Variants in DRP2 observed in about 807,000 individuals in gnomAD.
DRP2 encodes the protein dystrophin-related protein 2.
DRP2 carries 29 observed loss-of-function variants against 78.2 expected under a neutral mutation model. The ratio of observed to expected loss-of-function variants is 0.37; its 90% CI spans 0.28 to 0.51. The LOEUF is 0.51. DRP2 is among the 20% of genes least tolerant of loss of function. The pLI, the probability that DRP2 is intolerant of heterozygous loss-of-function variation, is 0.94. For synonymous variants in DRP2, 290 were observed against 281.9 expected (o/e 1.03, Z -0.29); for missense variants, 686 against 770.6 (o/e 0.89, Z 1.30).
chrX:101,235,161 T>G, intron 3 of DRP2, among the ~76,000 whole-genome samples: 1 of 111,731 alleles, frequency 9.0e-6, no homozygotes, highest in Non-Finnish European at 1.9e-5. Flanking sequence ...AGCAATAGAC[T>G]GTGTGCCTGA....
At position 101,245,070 on chromosome X, in the gene DRP2, T is replaced by G; in HGVS notation, c.1108T>G (p.Tyr370Asp). The stretch of plus-strand genomic sequence containing the variant: ...AATTTCACCCAATAAAGTTCCCTAC[T>G]ACATCAAGTGAGTGACCATCTGAAT... ...RAISPNKVPY[Y>D]INHQAQTTCW... Residue 370 changes from tyrosine (Y) to aspartate (D), a missense_variant, in exon 10 of 24, where the codon TAC becomes GAC. Coordinates refer to ENST00000395209, the MANE Select transcript of DRP2 (RefSeq NM_001939.3). 2 of 1,209,560 alleles carry G rather than the reference T, an allele frequency of 1.7e-6. No homozygotes were observed. The highest frequency in any genetic ancestry group is 2.2e-6 in the Non-Finnish European group (2 of 894,108).
chrX:101,224,331 C>A (rs1298920568), intron 1 of DRP2, among the ~76,000 whole-genome samples: 9 of 96,002 alleles, frequency 9.4e-5, no homozygotes, highest in Non-Finnish European at 1.2e-4. Context: ...TTGCAGTGAG[C>A]CGAGATCATG....
intron 5 of DRP2, among the ~76,000 whole-genome samples, 180 bp from the exon 6 acceptor site, chrX:101,238,801 A>G (rs1398133047): frequency 9.0e-6 from 1 of 111,363 alleles, no homozygotes; most frequent in Non-Finnish European, 1.9e-5. Context: ...CCAGTGTCAG[A>G]GTTATTTTTC....
intron 14 of DRP2, 124 bp downstream of exon 14, chrX:101,248,723 C>G: frequency 3.4e-6 from 2 of 582,303 alleles, no homozygotes; most frequent in Admixed American, 5.5e-5. Context: ...CTTGGGCTAC[C>G]TTATGATGCT....
At chrX:101,252,740 G>A in intron 17 of DRP2, 24 bp downstream of exon 17, 4 of 1,157,654 alleles carry the variant, frequency 3.5e-6, no homozygotes, top group Non-Finnish European at 4.7e-6. Context: ...AGGCTGGGTG[G>A]GAGGGTTAGG....
At chrX:101,225,292 A>G (rs1039771941) in intron 2 of DRP2, among the ~76,000 whole-genome samples, 5 of 111,344 alleles carry the variant, frequency 4.5e-5, no homozygotes, top group Non-Finnish European at 1.9e-5. Context: ...TCTCCATTGT[A>G]TCCATTGTAT....
At position 101,256,191 on chromosome X, in the gene DRP2, CCATGCAGTGTGG is replaced by C. The variant is rs759678378; in HGVS notation, c.2322_2333del (p.Cys775_Ala778del). ...GGAGCCAGCCTTTGGACAGCAGGCT[CCATGCAGTGTGG>C]CCACAGAAAGCAAAGGGGAGCTACA... On this transcript the variant is annotated inframe_deletion, in exon 21 of 24. Transcript: ENST00000395209. 29 of 1,206,523 alleles carry C rather than the reference CCATGCAGTGTGG, an allele frequency of 2.4e-5. No individual in the cohort carries two copies. In the African/African-American group the frequency reaches 3.5e-4, roughly 15 times the overall value.
intron 2 of DRP2, among the ~76,000 whole-genome samples, chrX:101,231,048 T>C (rs1337478452): frequency 8.9e-6 from 1 of 112,482 alleles, no homozygotes; most frequent in African/African-American, 3.2e-5. Context: ...GATCCCATTG[T>C]CCTCTGAACA....
At position 101,242,469 on chromosome X, in the gene DRP2, C is replaced by T. The variant is rs1556419606; in HGVS notation, c.973C>T (p.Gln325Ter). 1 of 1,207,525 alleles carries T rather than the reference C, an allele frequency of 8.3e-7. No individual in the cohort carries two copies. The highest frequency in any genetic ancestry group is 1.1e-6 in the Non-Finnish European group (1 of 894,022). ...EQINVRWKQL[Q>*]ASVSERLKQL... is the part of the protein sequence containing the mutation. ...GATCAACGTCCGATGGAAACAACTA[C>T]AGGTAGAAGAGCAGCCTGGAGTGAA... The change falls in exon 8 of 24, where the codon CAG (glutamine) becomes TAG (stop). Residue 325 changes from glutamine (Q) to a stop codon, truncating the protein, a stop_gained and splice_region_variant. Coordinates refer to ENST00000395209, the MANE Select transcript of DRP2 (RefSeq NM_001939.3). LOFTEE classifies it high-confidence loss of function.
In DRP2 at chrX:101,255,440, C is replaced by T. The variant is rs188156744; in HGVS notation, c.2246+191C>T. 4.5e-5 allele frequency among the ~76,000 whole-genome samples: 5 copies of T among 111,259 alleles called. No individual in the cohort carries two copies. In the East Asian group the frequency reaches 1.4e-3, roughly 32 times the overall value. On this transcript the variant is annotated intron_variant, in intron 20 of 23. Coordinates refer to ENST00000395209, the MANE Select transcript of DRP2 (RefSeq NM_001939.3). ...AGGCAGTCTTCCCTCTATCAATCAACCTAGGAAATGAGTGATGTACTAGCT... is the reference window on the plus strand; with the variant it reads ...AGGCAGTCTTCCCTCTATCAATCAATCTAGGAAATGAGTGATGTACTAGCT...
intron 23 of DRP2, 25 bp from the exon 24 acceptor site, chrX:101,260,472 C>T: frequency 8.3e-7 from 1 of 1,203,091 alleles, no homozygotes; most frequent in Non-Finnish European, 1.1e-6. Context: ...TAGTTCTCTT[C>T]TCAAATCTCT....
In DRP2 at chrX:101,242,454, C is replaced by A. The variant is rs1234956618; in HGVS notation, c.958C>A (p.Arg320=). 1 of 1,207,532 alleles carries A rather than the reference C, an allele frequency of 8.3e-7. No homozygotes were observed. Among genetic ancestry groups the A allele is most frequent in the Admixed American group, 2.2e-5 (1 of 45,388 alleles). Residue 320 remains arginine, a synonymous_variant, in exon 8 of 24, where the codon CGA becomes AGA. Transcript: ENST00000395209. Reference sequence around the variant, plus strand: ...CCAGGCCCTGGAACAGATCAACGTCCGATGGAAACAACTACAGGTAGAAGA... The same window carrying A: ...CCAGGCCCTGGAACAGATCAACGTCAGATGGAAACAACTACAGGTAGAAGA... ...NSQALEQINV[R]WKQLQASVSE...
rs568844282 is a variant in DRP2 at position 101,237,201 on chromosome X, G to C, written c.282-418G>C. Among the ~76,000 whole-genome samples, 105 of 112,212 alleles carry C rather than the reference G, an allele frequency of 9.4e-4. No individual in the cohort carries two copies. The South Asian group carries it at 0.038, about 41-fold the overall frequency. On this transcript the variant is annotated intron_variant, in intron 4 of 23. Transcript: ENST00000395209. Reference sequence around the variant, plus strand: ...CCTGCTCAGAGGGCAGTTCGGAACAGCCTCTATGGTTGAGCAGTTTGGCAT... The same window carrying C: ...CCTGCTCAGAGGGCAGTTCGGAACACCCTCTATGGTTGAGCAGTTTGGCAT...
In DRP2 at chrX:101,231,676, C is replaced by T. The variant is rs909100703; in HGVS notation, c.29C>T (p.Pro10Leu). MQPMVMQGC[P>L]YTLPRCHDWQ... ...CAACCTATGGTCATGCAGGGATGCC[C>T]TTACACCCTCCCACGATGTCATGAC... is the stretch of plus-strand genomic sequence containing the variant. Residue 10 changes from proline (P) to leucine (L), a missense_variant, in exon 3 of 24, where the codon CCT (proline) becomes CTT (leucine). Pro to Leu is a moderately conservative substitution (Grantham distance 98). Around this residue, in one of 2 missense-constraint regions of DRP2, gnomAD observed 263 missense variants for 239.1 expected, o/e 1.10. Transcript: ENST00000395209. 6 of 1,211,314 alleles carry T rather than the reference C, an allele frequency of 5.0e-6. No homozygotes were observed. Among genetic ancestry groups the T allele is most frequent in the Non-Finnish European group, 3.4e-6 (3 of 895,165 alleles).
intron 3 of DRP2, among the ~76,000 whole-genome samples, chrX:101,233,250 G>A (rs1447423098): frequency 8.9e-6 from 1 of 112,060 alleles, no homozygotes; most frequent in South Asian, 3.7e-4. Flanking sequence ...CCAGCTCATC[G>A]TGGGTGCTCC....
At chrX:101,226,713 C>T (rs1159602887) in intron 2 of DRP2, among the ~76,000 whole-genome samples, 1 of 111,459 alleles carries the variant, frequency 9.0e-6, no homozygotes, top group East Asian at 2.8e-4. Flanking sequence ...TCCACACCTG[C>T]ATATGTCAAA....
chrX:101,240,800 A>G (rs1602921072), intron 6 of DRP2, among the ~76,000 whole-genome samples: 1 of 112,259 alleles, frequency 8.9e-6, no homozygotes, highest in Non-Finnish European at 1.9e-5. Context: ...GAGGGCTAGT[A>G]CTTAATTTGA....
chrX:101,235,598 A>T (rs1922470308), intron 3 of DRP2, among the ~76,000 whole-genome samples: 1 of 112,354 alleles, frequency 8.9e-6, no homozygotes, highest in Admixed American at 9.4e-5. Flanking sequence ...ACCTTTCCCT[A>T]GGTCCAAAAT....
chrX:101,260,403 A>G, intron 23 of DRP2, 94 bp from the exon 24 acceptor site: 1 of 1,090,228 alleles, frequency 9.2e-7, no homozygotes, highest in South Asian at 2.2e-5. Flanking sequence ...TGCTGCGGGC[A>G]GGTCTGCCCT....
Sources: gnomAD v4.1 joint callset for allele counts (sites outside exome capture counted in the v4.1 genomes callset) on GRCh38, gnomAD v4.1.1 for gene constraint, gnomAD v4.1.1 regional missense constraint, MANE v1.5 for transcripts, NCBI Gene and HGNC (gene_info 2026-07-23, HGNC 2026-07-21) for gene names.